KDM5B: variants seen among roughly 807,000 people sequenced by gnomAD.
The protein encoded by KDM5B is lysine-specific demethylase 5B.
In KDM5B, 144 loss-of-function variants were observed where a neutral mutation model predicts 193.4. The observed-to-expected ratio is 0.74, with a 90% CI of 0.65 to 0.86. The LOEUF is 0.86. Ranked by LOEUF, KDM5B falls within the 40% of genes least tolerant of loss-of-function variation. The pLI is 0.00. For synonymous variants in KDM5B, 668 were observed against 682.6 expected (o/e 0.98, Z 0.33); for missense variants, 1,833 against 1,886.9 (o/e 0.97, Z 0.53).
At chr1:202,784,299 C>A (rs181475052) in intron 1 of KDM5B, among the ~76,000 whole-genome samples, 1 of 152,258 alleles carries the variant, frequency 6.6e-6, no homozygotes, top group East Asian at 1.9e-4. Context: ...GGCTCTAACT[C>A]CCTGCAGACA....
chr1:202,798,539 T>C (rs192249586), intron 1 of KDM5B, among the ~76,000 whole-genome samples: 1 of 152,164 alleles, frequency 6.6e-6, no homozygotes, highest in Admixed American at 6.5e-5. Flanking sequence ...CCAGCCTGGC[T>C]AACATAGTGA....
At chr1:202,729,267 A>C (rs923686130) in intron 26 of KDM5B, 94 bp from the exon 27 acceptor site, 2 of 1,390,178 alleles carry the variant, frequency 1.4e-6, no homozygotes, top group African/African-American at 2.8e-5. Flanking sequence ...CCGTTTGCCA[A>C]TAACAGCCAC....
intron 1 of KDM5B, among the ~76,000 whole-genome samples, chr1:202,802,780 A>C (rs991687684): frequency 6.6e-6 from 1 of 152,202 alleles, no homozygotes; most frequent in Admixed American, 6.5e-5. Flanking sequence ...ATTTTTCACT[A>C]ATCTATCAAC....
intron 4 of KDM5B, among the ~76,000 whole-genome samples, chr1:202,769,912 GTA>G (rs914545112): frequency 6.6e-6 from 1 of 152,086 alleles, no homozygotes; most frequent in Non-Finnish European, 1.5e-5. Context: ...ACACACAAAA[GTA>G]TGAGTGATTA....
At position 202,740,804 on chromosome 1, in the gene KDM5B, T is replaced by C. The variant is rs1243186133; in HGVS notation, c.2954A>G (p.His985Arg). 1 of 1,609,292 alleles carries C rather than the reference T, an allele frequency of 6.2e-7. No homozygotes were observed. The highest frequency in any genetic ancestry group is 2.2e-5 in the East Asian group (1 of 44,768). ...TGCCGTAGCAAGGCTATTCAATGAA[T>C]GTCGTGGCCTACAAAATGCAAACAA... ...AKSLLKARPR[H>R]SLNSLATAVK... Residue 985 changes from histidine to arginine, a missense_variant, in exon 20 of 27, where the codon CAT becomes CGT. Around this residue, in one of 3 missense-constraint regions of KDM5B, gnomAD observed 1,379 missense variants for 1,349.6 expected, o/e 1.02. Coordinates refer to ENST00000367265, the MANE Select transcript of KDM5B (RefSeq NM_006618.5).
intron 5 of KDM5B, chr1:202,766,536 G>A (rs1342058938): frequency 2.3e-6 from 1 of 431,248 alleles, no homozygotes; most frequent in Non-Finnish European, 4.5e-6. Flanking sequence ...TGAGAAAAGT[G>A]GCTTTAACTG....
In KDM5B at chr1:202,730,020, C is replaced by T. The variant is rs769406071; in HGVS notation, c.4184G>A (p.Cys1395Tyr). The T allele has an allele frequency of 6.2e-7, 1 of 1,609,410 alleles. No homozygotes were observed. Among genetic ancestry groups the T allele is most frequent in the South Asian group, 1.1e-5 (1 of 90,608 alleles). ...AATTCCATCTCGCTTCCCTCGGCAA[C>T]AGTCATTCTGGGTGGAAGATAGGAA... Reference protein sequence around the residue: ...PVRPSSEKNDCCRGKRDGINS... With the variant: ...PVRPSSEKNDYCRGKRDGINS... Residue 1395 changes from cysteine to tyrosine, a missense_variant, in exon 26 of 27, where the codon TGT becomes TAT. Physicochemically the swap from Cys to Tyr is radical, Grantham distance 194. Around this residue, in one of 3 missense-constraint regions of KDM5B, gnomAD observed 1,379 missense variants for 1,349.6 expected, o/e 1.02. Transcript: ENST00000367265.
At position 202,746,521 on chromosome 1, in the gene KDM5B, T is replaced by C. The variant is rs7555220; in HGVS notation, c.2017-198A>G. On this transcript the variant is annotated intron_variant, in intron 14 of 26. Transcript: ENST00000367265. Reference sequence around the variant, plus strand: ...GCAAGTTCATTTGTCTAGGGAGATCTCCTTTTTCAGACAAGGCAGGTCCTT... The same window carrying C: ...GCAAGTTCATTTGTCTAGGGAGATCCCCTTTTTCAGACAAGGCAGGTCCTT... 3,237 of 471,966 alleles carry C rather than the reference T, an allele frequency of 6.9e-3. 95 individuals carry two copies. The highest frequency in any genetic ancestry group is 0.057 in the African/African-American group (2,930 of 51,212). 29.2% of individuals were successfully genotyped at this position (471,966 alleles called of 1,614,324 possible). A position where few individuals can be genotyped will look rare whatever the true frequency, so the allele number is the denominator to read the frequency against.
intron 1 of KDM5B, among the ~76,000 whole-genome samples, chr1:202,778,174 CAA>C (rs1013814145): frequency 1.4e-5 from 2 of 140,276 alleles, no homozygotes. Context: ...GACTTCACCT[CAA>C]AAAAAAAAAA....
rs1450412346 is a variant in KDM5B, at chr1:202,726,441, G to A, written c.*2595C>T. 1 of 152,240 alleles carries A rather than the reference G, an allele frequency of 6.6e-6. No individual in the cohort carries two copies. Among genetic ancestry groups the A allele is most frequent in the Middle Eastern group, 3.4e-3 (1 of 294 alleles). 9.4% of individuals were successfully genotyped at this position (152,240 alleles called of 1,614,324 possible). On this transcript the variant is annotated 3_prime_UTR_variant, in exon 27 of 27. Transcript: ENST00000367265. ...TATTCTATATAAGAAATCCCCCAAAGTCTAATCTGGAAGGAAAAACAAAAA... is the reference window on the plus strand; with the variant it reads ...TATTCTATATAAGAAATCCCCCAAAATCTAATCTGGAAGGAAAAACAAAAA...
At chr1:202,768,396 C>A (rs1282551886) in intron 4 of KDM5B, among the ~76,000 whole-genome samples, 2 of 152,052 alleles carry the variant, frequency 1.3e-5, no homozygotes, top group Non-Finnish European at 2.9e-5. Flanking sequence ...GAATGAGATA[C>A]GTGGAAATAA....
Position 202,729,317 on chromosome 1 carries a change from A to C in KDM5B, c.4498-144T>G, listed in dbSNP as rs947659817. On this transcript the variant is annotated intron_variant, in intron 26 of 26. Transcript: ENST00000367265. ...GACCTCTGGCACAACAGCTAAGCCA[A>C]ATGAGTGTAGCTGGCCCCCTAGCCA... 1.3e-5 allele frequency: 11 copies of C among 839,410 alleles called. No individual in the cohort carries two copies. In the Admixed American group the frequency reaches 1.6e-4, roughly 12 times the overall value. The allele number at this position is 839,410 out of a possible 1,614,324, so 52.0% of individuals were successfully genotyped here.
intron 11 of KDM5B, among the ~76,000 whole-genome samples, chr1:202,754,134 T>A (rs1655914716): frequency 6.6e-6 from 1 of 152,260 alleles, no homozygotes; most frequent in Non-Finnish European, 1.5e-5. Context: ...TTAGCATTTC[T>A]AAGGAATTCT....
intron 12 of KDM5B, among the ~76,000 whole-genome samples, chr1:202,751,186 T>C (rs1655775188): frequency 1.3e-5 from 2 of 152,098 alleles, no homozygotes; most frequent in South Asian, 2.1e-4. Flanking sequence ...AACTCAAACT[T>C]ACCTCCCATC....
At chr1:202,731,160 C>T in intron 24 of KDM5B, 97 bp from the exon 25 acceptor site, 1 of 851,474 alleles carries the variant, frequency 1.2e-6, no homozygotes, top group East Asian at 2.7e-5. Flanking sequence ...GCCCCTAATA[C>T]CACTACTACC....
chr1:202,780,289 C>T (rs1199807319), intron 1 of KDM5B, among the ~76,000 whole-genome samples: 1 of 152,092 alleles, frequency 6.6e-6, no homozygotes, highest in African/African-American at 2.4e-5. Context: ...CGGGTTCAAG[C>T]AATTCTCCTG....
chr1:202,742,492 C>T lies in KDM5B; in HGVS notation c.2488G>A (p.Gly830Arg). The T allele has an allele frequency of 6.2e-7, 1 of 1,613,926 alleles. No individual in the cohort carries two copies. The change falls in exon 18 of 27, where the codon GGA (glycine) becomes AGA (arginine). Residue 830 changes from glycine to arginine, a missense_variant. By Grantham distance (125) the Gly-to-Arg change is moderately radical. Coordinates refer to ENST00000367265, the MANE Select transcript of KDM5B (RefSeq NM_006618.5). ...GTCAACTGATTTTGGGATTTCCCTC[C>T]ACCAGATCGATATCTGTAAAGACAA... ...GKRQTRYRSGGGKSQNQLTVN... is the reference protein window; with the variant it reads ...GKRQTRYRSGRGKSQNQLTVN...
chr1:202,800,332 G>A (rs1269092930), intron 1 of KDM5B, among the ~76,000 whole-genome samples: 6 of 149,216 alleles, frequency 4.0e-5, no homozygotes, highest in Admixed American at 3.3e-4. Flanking sequence ...GTGAGCCACC[G>A]CACCCAGCCA....
intron 1 of KDM5B, among the ~76,000 whole-genome samples, chr1:202,798,218 G>C (rs958474220): frequency 7.2e-5 from 11 of 151,808 alleles, no homozygotes; most frequent in Non-Finnish European, 1.6e-4. Context: ...TAAAGATTCA[G>C]GGACAGAAAA....
Sources: gnomAD v4.1 joint callset for allele counts (sites outside exome capture counted in the v4.1 genomes callset) on GRCh38, gnomAD v4.1.1 for gene constraint, gnomAD v4.1.1 regional missense constraint, MANE v1.5 for transcripts, NCBI Gene and HGNC (gene_info 2026-07-23, HGNC 2026-07-21) for gene names.